Variants in ABCG5 observed in about 807,000 individuals in gnomAD.
The protein encoded by ABCG5 is ATP-binding cassette sub-family G member 5.
A neutral mutation model predicts 64.5 loss-of-function variants in ABCG5; 64 were observed. That is an observed-to-expected ratio of 0.99 (90% confidence interval 0.81 to 1.22). The LOEUF (loss-of-function observed/expected upper bound fraction) is 1.22, where lower values mean the gene tolerates loss of function less well. ABCG5 is among the 50% of genes most tolerant of loss of function. The pLI is 0.00. For synonymous variants in ABCG5, 385 were observed against 326.3 expected (o/e 1.18, Z -1.94); for missense variants, 908 against 829.5 (o/e 1.09, Z -1.16).
At chr2:43,811,674 A>C (rs558632198), downstream of ABCG5, among the ~76,000 whole-genome samples, 14 of 151,420 alleles carry the variant, frequency 9.2e-5, no homozygotes, top group South Asian at 2.1e-4. Flanking sequence ...GGCTCACTGC[A>C]ACCTCCACCT....
the ABCG5 span, among the ~76,000 whole-genome samples, chr2:43,806,279 A>G: frequency 6.6e-6 from 1 of 152,234 alleles, no homozygotes; most frequent in Non-Finnish European, 1.5e-5. Flanking sequence ...GTAAACTTAT[A>G]TATGCTAAGC....
At chr2:43,824,764 A>C in intron 7 of ABCG5, 125 bp downstream of exon 7, 1 of 1,489,760 alleles carries the variant, frequency 6.7e-7, no homozygotes. Flanking sequence ...TGATTCCTTG[A>C]AGAGTATAAA....
At chr2:43,839,082 G>A, upstream of ABCG5, 6 of 1,551,248 alleles carry the variant, frequency 3.9e-6, no homozygotes, top group Non-Finnish European at 5.2e-6. Context: ...GAGGAGAGAG[G>A]GCTGCCGAAA....
intron 5 of ABCG5, among the ~76,000 whole-genome samples, chr2:43,827,288 G>A (rs1455298565): frequency 1.3e-5 from 2 of 149,410 alleles, no homozygotes; most frequent in East Asian, 2.0e-4. Context: ...TCGCACCACT[G>A]CACTCCAGCC....
At chr2:43,828,208 C>G (rs557253472) in intron 4 of ABCG5, 93 bp from the exon 5 acceptor site, 1 of 1,579,680 alleles carries the variant, frequency 6.3e-7, no homozygotes, top group South Asian at 1.1e-5. Flanking sequence ...GGCAGCACAC[C>G]GCCCAAGAAT....
intron 6 of ABCG5, among the ~76,000 whole-genome samples, chr2:43,825,996 G>C (rs1667574525): frequency 1.3e-5 from 2 of 151,890 alleles, no homozygotes; most frequent in Admixed American, 1.3e-4. Context: ...GTTTGTTTGA[G>C]ATGAGGTCTT....
intron 4 of ABCG5, among the ~76,000 whole-genome samples, chr2:43,829,035 C>T (rs1667808091): frequency 6.6e-6 from 1 of 152,080 alleles, no homozygotes; most frequent in African/African-American, 2.4e-5. Context: ...ACTGCTTACA[C>T]TTGCTTCAGG....
intron 12 of ABCG5, among the ~76,000 whole-genome samples, chr2:43,813,709 GTTTTTTTTTTTT>G (rs1214033245): frequency 2.9e-5 from 1 of 34,068 alleles, no homozygotes; most frequent in African/African-American, 1.3e-4. Flanking sequence ...TTTTTTTTTC[GTTTTTTTTTTTT>G]TTTTTTTTTT....
At chr2:43,822,478 G>GCCCCCCCCCCCCCCCCC (rs55983843) in intron 10 of ABCG5, 2 of 432,258 alleles carry the variant, frequency 4.6e-6, no homozygotes, top group African/African-American at 4.3e-5. Flanking sequence ...CCTCCCCCAG[G>GCCCCCCCCCCCCCCCCC]CCCCCCCCCA....
chr2:43,831,798 G>A lies in ABCG5; in HGVS notation c.472C>T (p.Arg158Cys). ...TTCTGGAAGGAGCCGGGATTGCCGC[G>A]GCGGATGGCCAGCAGCGCGGTGTAG... ...LHYTALLAIR[R>C]GNPGSFQKKV... Residue 158 changes from arginine (R) to cysteine (C), a missense_variant, in exon 4 of 13, where the codon CGC (arginine) becomes TGC (cysteine). Transcript: ENST00000405322. 1.3e-6 allele frequency: 2 copies of A among 1,588,912 alleles called. No individual in the cohort carries two copies. The highest frequency in any genetic ancestry group is 1.7e-6 in the Non-Finnish European group (2 of 1,169,836).
At chr2:43,808,765 C>T (rs1449275872), downstream of ABCG5, among the ~76,000 whole-genome samples, 3 of 152,090 alleles carry the variant, frequency 2.0e-5, no homozygotes, top group Non-Finnish European at 2.9e-5. Flanking sequence ...TTCATGTGGC[C>T]ACTGTTATTT....
chr2:43,827,997 A>G lies in ABCG5; in HGVS notation c.620T>C (p.Leu207Pro). ...GTGCCACTTACTAGGATCCTGGAGC[A>G]GCTGGGCTGCGATGGAGACCCGGCG... ...ERRRVSIAAQLLQDPKVMLFD... is the reference protein window; with the variant it reads ...ERRRVSIAAQPLQDPKVMLFD... Residue 207 changes from leucine to proline, a missense_variant, in exon 5 of 13, where the codon CTG (leucine) becomes CCG (proline). Coordinates refer to ENST00000405322, the MANE Select transcript of ABCG5 (RefSeq NM_022436.3). 6.2e-7 allele frequency: 1 copy of G among 1,614,126 alleles called. No homozygotes were observed.
chr2:43,824,532 C>T (rs1234650591), intron 7 of ABCG5, 100 bp from the exon 8 acceptor site: 2 of 1,592,518 alleles, frequency 1.3e-6, no homozygotes, highest in Non-Finnish European at 1.7e-6. Context: ...AATACCTCAT[C>T]CCATCAAGAT....
Position 43,832,037 on chromosome 2 carries a change from C to A in ABCG5, c.312G>T (p.Gly104=). 1 of 1,576,776 alleles carries A rather than the reference C, an allele frequency of 6.3e-7. No homozygotes were observed. The highest frequency in any genetic ancestry group is 1.8e-5 in the Admixed American group (1 of 54,504). ...TLLDAMSGRL[G]RAGTFLGEVY... is the part of the protein sequence containing the mutation. Reference sequence around the variant, plus strand: ...CCTCCCCCAGGAAGGTCCCCGCGCGCCCCAGCCTCCCGGACATGGCGTCCA... The same window carrying A: ...CCTCCCCCAGGAAGGTCCCCGCGCGACCCAGCCTCCCGGACATGGCGTCCA... Residue 104 remains glycine (G), a synonymous_variant, in exon 3 of 13, where the codon GGG becomes GGT. Transcript: ENST00000405322.
Position 43,814,556 on chromosome 2 carries a change from G to T in ABCG5, c.1683C>A (p.Ile561=). 1 of 1,605,760 alleles carries T rather than the reference G, an allele frequency of 6.2e-7. No homozygotes were observed. The highest frequency in any genetic ancestry group is 8.5e-7 in the Non-Finnish European group (1 of 1,173,584). Residue 561 remains isoleucine, a synonymous_variant, in exon 12 of 13, where the codon ATC becomes ATA. Transcript: ENST00000405322. The stretch of plus-strand genomic sequence containing the variant: ...ATTTTTGGAATGTAAAATAACTGAT[G>T]ATTTTAAAAGGAATGGGCATTTCTT... ...NIQEMPIPFK[I]ISYFTFQKYC... is the part of the protein sequence containing the mutation.
rs114868704 is a variant in ABCG5, at chr2:43,812,831, C to T, written c.*285G>A. ...AGAACAAGGAAAAAAAATAGTCACA[C>T]GAGTCTCCCATAGGTTTATGAATAT... is the stretch of plus-strand genomic sequence containing the variant. On this transcript the variant is annotated 3_prime_UTR_variant, in exon 13 of 13. Transcript: ENST00000405322. The T allele has an allele frequency of 2.4e-5, 9 of 370,774 alleles. No homozygotes were observed. Among genetic ancestry groups the T allele is most frequent in the African/African-American group, 4.1e-5 (2 of 48,848 alleles). 23.0% of individuals were successfully genotyped at this position (370,774 alleles called of 1,614,324 possible). A position where few individuals can be genotyped will look rare whatever the true frequency, so the allele number is the denominator to read the frequency against.
At chr2:43,838,857 C>T (rs138510485), upstream of ABCG5, 34 of 1,292,086 alleles carry the variant, frequency 2.6e-5, no homozygotes, top group East Asian at 2.8e-4. This position sits in a 1 kb window ranked among gnomAD's most constrained non-coding sequence, Gnocchi z 4.2. Flanking sequence ...CTTTAGCCAG[C>T]GCGTCCTTAT....
chr2:43,834,612 G>T (rs1010878969), intron 2 of ABCG5, among the ~76,000 whole-genome samples: 3 of 152,212 alleles, frequency 2.0e-5, no homozygotes, highest in Non-Finnish European at 4.4e-5. Flanking sequence ...TTCAAAAGAG[G>T]ATATGAGAGG....
intron 4 of ABCG5, 128 bp downstream of exon 4, chr2:43,831,641 G>A: frequency 1.0e-6 from 1 of 959,140 alleles, no homozygotes; most frequent in Non-Finnish European, 1.6e-6. Flanking sequence ...GCAGGACGCA[G>A]GGCGCGCTCT....
Sources: gnomAD v4.1 joint callset for allele counts (sites outside exome capture counted in the v4.1 genomes callset) on GRCh38, gnomAD v4.1.1 for gene constraint, Gnocchi (gnomAD v3.1) non-coding constraint, MANE v1.5 for transcripts, NCBI Gene and HGNC (gene_info 2026-07-23, HGNC 2026-07-21) for gene names.